SPIC: variants seen among roughly 807,000 people sequenced by gnomAD.
The protein encoded by SPIC is Spi-C transcription factor.
SPIC carries 9 observed loss-of-function variants against 16.7 expected under a neutral mutation model. That is an observed-to-expected ratio of 0.54 (90% CI 0.33 to 0.94). The LOEUF is 0.94. SPIC is among the 40% of genes least tolerant of loss of function. The pLI is 0.03. For missense variants in SPIC, 241 were observed against 285.8 expected (o/e 0.84, Z 1.13); for synonymous variants, 97 against 102.9 (o/e 0.94, Z 0.35).
intron 5 of SPIC, 109 bp from the exon 6 acceptor site, chr12:101,486,235 A>C: frequency 9.2e-7 from 1 of 1,088,196 alleles, no homozygotes; most frequent in Non-Finnish European, 1.3e-6. Flanking sequence ...TGGGAGAAAA[A>C]CCAGTCTCGA....
intron 4 of SPIC, among the ~76,000 whole-genome samples, chr12:101,479,985 T>C (rs1440050861): frequency 6.6e-6 from 1 of 152,022 alleles, no homozygotes; most frequent in Non-Finnish European, 1.5e-5. Flanking sequence ...CCCAGTTAAC[T>C]TCTGTATTTT....
chr12:101,479,479 G>A (rs1873118943), intron 3 of SPIC, 103 bp from the exon 4 acceptor site: 1 of 806,524 alleles, frequency 1.2e-6, no homozygotes, highest in Non-Finnish European at 2.0e-6. Flanking sequence ...AGAAAACATA[G>A]ATGAGAGCAA....
chr12:101,480,648 A>G (rs1251447943), intron 4 of SPIC, among the ~76,000 whole-genome samples: 1 of 152,124 alleles, frequency 6.6e-6, no homozygotes, highest in Non-Finnish European at 1.5e-5. Flanking sequence ...TTCTGTTTCT[A>G]TAAATTGTTC....
chr12:101,482,795 A>G lies in SPIC; in HGVS notation c.214A>G (p.Ser72Gly), dbSNP rs1324237595. 3 of 1,612,166 alleles carry G rather than the reference A, an allele frequency of 1.9e-6. No homozygotes were observed. The highest frequency in any genetic ancestry group is 1.3e-5 in the African/African-American group (1 of 74,864). The change falls in exon 5 of 6, where the codon AGT becomes GGT. Residue 72 changes from serine (S) to glycine (G), a missense_variant. Transcript: ENST00000551346. Reference sequence around the variant, plus strand: ...TCCTGCTTCATTATTTATATAGAACAGTGCTGCGGACTTCTATTTTGAAGG... The same window carrying G: ...TCCTGCTTCATTATTTATATAGAACGGTGCTGCGGACTTCTATTTTGAAGG... ...PVYNWRTVIN[S>G]AADFYFEGNI...
intron 4 of SPIC, 139 bp downstream of exon 4, chr12:101,479,833 T>TTTGAGA: frequency 1.8e-6 from 1 of 564,064 alleles, no homozygotes; most frequent in Non-Finnish European, 3.0e-6. Context: ...TTTTTTTTTT[T>TTTGAGA]TGAGATGGAG....
At chr12:101,479,265 A>AGAAG (rs1873091163) in intron 3 of SPIC, among the ~76,000 whole-genome samples, 1 of 58,168 alleles carries the variant, frequency 1.7e-5, no homozygotes, top group Non-Finnish European at 3.9e-5. Context: ...AAGGAAGGAA[A>AGAAG]GAAAGAAAGA....
chr12:101,479,174 A>G (rs866747254), intron 3 of SPIC, among the ~76,000 whole-genome samples: 4 of 51,896 alleles, frequency 7.7e-5, no homozygotes, highest in East Asian at 4.5e-4. Flanking sequence ...AAGAAAGAAA[A>G]AGAAAGAAAG....
intron 4 of SPIC, among the ~76,000 whole-genome samples, chr12:101,481,092 C>G (rs546218803): frequency 2.0e-5 from 3 of 152,182 alleles, no homozygotes; most frequent in Non-Finnish European, 4.4e-5. Flanking sequence ...CGGTGTTTAA[C>G]CCTTGGAAAC....
chr12:101,486,313 T>C (rs1434095158), intron 5 of SPIC, 31 bp from the exon 6 acceptor site: 1 of 1,572,656 alleles, frequency 6.4e-7, no homozygotes, highest in Non-Finnish European at 8.6e-7. Flanking sequence ...ACAGCCACGG[T>C]GGAGTTTGAC....
chr12:101,479,242 A>AGGAAAGAAAGAAAGAAAAAG (rs1286145762), intron 3 of SPIC, among the ~76,000 whole-genome samples: 23 of 44,962 alleles, frequency 5.1e-4, no homozygotes, highest in East Asian at 1.9e-3. Flanking sequence ...GAAAGAAAGA[A>AGGAAAGAAAGAAAGAAAAAG]AAAGAAAGAA....
In SPIC at chr12:101,479,688, G is replaced by A. The variant is rs758819142; in HGVS notation, c.204G>A (p.Thr68=). 5.6e-6 allele frequency: 9 copies of A among 1,610,252 alleles called. No homozygotes were observed. The highest frequency in any genetic ancestry group is 1.1e-5 in the South Asian group (1 of 90,814). Residue 68 remains threonine, a synonymous_variant, in exon 4 of 6, where the codon ACG becomes ACA. Coordinates refer to ENST00000551346, the MANE Select transcript of SPIC (RefSeq NM_152323.3). Reference sequence around the variant, plus strand: ...AGGAGCCTGTCTATAATTGGAGAACGGTAATTGTAAGTATCAGACCATCCC... The same window carrying A: ...AGGAGCCTGTCTATAATTGGAGAACAGTAATTGTAAGTATCAGACCATCCC... ...PTEEPVYNWR[T]VINSAADFYF...
chr12:101,483,963 C>T (rs1283803291), intron 5 of SPIC, among the ~76,000 whole-genome samples: 3 of 151,776 alleles, frequency 2.0e-5, no homozygotes, highest in Non-Finnish European at 2.9e-5. Flanking sequence ...CTCACCAATA[C>T]ATTTTATTTA....
Position 101,486,267 on chromosome 12 carries a change from T to C in SPIC, c.320-77T>C, listed in dbSNP as rs777667254. The C allele has an allele frequency of 8.5e-6, 12 of 1,405,044 alleles. No individual in the cohort carries two copies. The Admixed American group carries it at 2.4e-4, about 28-fold the overall frequency. The allele number at this position is 1,405,044 out of a possible 1,614,324, so 87.0% of individuals were successfully genotyped here. On this transcript the variant is annotated intron_variant, in intron 5 of 5. Transcript: ENST00000551346. ...TCGATGCAGCTTTTAATTCAGTAGT[T>C]GCTCAACAAACCCTTTCTGAGGATG... is the stretch of plus-strand genomic sequence containing the variant.
At chr12:101,480,189 G>A (rs1873143854) in intron 4 of SPIC, among the ~76,000 whole-genome samples, 3 of 152,200 alleles carry the variant, frequency 2.0e-5, no homozygotes, top group South Asian at 4.1e-4. Flanking sequence ...ATGCTGTTAG[G>A]AAGGAAATAA....
chr12:101,483,718 T>C (rs948972448), intron 5 of SPIC, among the ~76,000 whole-genome samples: 2 of 151,964 alleles, frequency 1.3e-5, no homozygotes, highest in African/African-American at 4.8e-5. Flanking sequence ...TGCCTCAGCC[T>C]CCTGAGTAGC....
intron 3 of SPIC, among the ~76,000 whole-genome samples, chr12:101,479,355 G>GAAAGAAAGAAAT (rs1243477392): frequency 8.6e-5 from 13 of 150,978 alleles, no homozygotes; most frequent in Non-Finnish European, 1.3e-4. Flanking sequence ...AAGAAAGAAA[G>GAAAGAAAGAAAT]AAATCATGCG....
chr12:101,476,233 G>A (rs1226375356), intron 1 of SPIC, among the ~76,000 whole-genome samples: 1 of 152,138 alleles, frequency 6.6e-6, no homozygotes, highest in Admixed American at 6.6e-5. Context: ...GGGTCGGTGT[G>A]ATAATTGTTT....
intron 4 of SPIC, 80 bp from the exon 5 acceptor site, chr12:101,482,712 C>T (rs1449361169): frequency 1.4e-5 from 19 of 1,343,640 alleles, no homozygotes; most frequent in Non-Finnish European, 1.7e-5. Context: ...GCCTCTTTTT[C>T]CCCTAACTTT....
chr12:101,479,242 A>AAGAAAGAAAAAG (rs1555208989), intron 3 of SPIC, among the ~76,000 whole-genome samples: 1 of 44,962 alleles, frequency 2.2e-5, no homozygotes, highest in Admixed American at 2.1e-4. Context: ...GAAAGAAAGA[A>AAGAAAGAAAAAG]AAAGAAAGAA....
Sources: allele counts gnomAD v4.1 joint callset (sites outside exome capture counted in the v4.1 genomes callset), GRCh38; gene constraint gnomAD v4.1.1; transcripts MANE v1.5; gene names NCBI Gene and HGNC (gene_info 2026-07-23, HGNC 2026-07-21).